The following TFCP2 variants were observed in gnomAD, a reference collection of about 807,000 sequenced individuals.
TFCP2 encodes alpha-globin transcription factor CP2.
A neutral mutation model predicts 73.4 loss-of-function variants in TFCP2; 33 were observed. That is an observed-to-expected ratio of 0.45 (90% CI 0.34 to 0.60). TFCP2 has a LOEUF of 0.60. Ranked by LOEUF, TFCP2 falls within the 20% of genes least tolerant of loss-of-function variation. The pLI is 0.01. For missense variants in TFCP2, 352 were observed against 604.0 expected (o/e 0.58, Z 4.37); for synonymous variants, 193 against 211.6 (o/e 0.91, Z 0.76).
intron 1 of TFCP2, among the ~76,000 whole-genome samples, chr12:51,150,473 A>C (rs1941398616): frequency 6.6e-6 from 1 of 152,214 alleles, no homozygotes; most frequent in Non-Finnish European, 1.5e-5. Flanking sequence ...AATTCTTTTT[A>C]ATTTTAAAAT....
chr12:51,109,030 A>G (rs1251021835), intron 6 of TFCP2, 91 bp downstream of exon 6: 11 of 1,453,982 alleles, frequency 7.6e-6, no homozygotes, highest in Non-Finnish European at 7.5e-6. Flanking sequence ...TTTTCAAAAA[A>G]AGACAAGTTG....
chr12:51,172,223 T>G, intron 1 of TFCP2, 78 bp downstream of exon 1: 1 of 1,577,122 alleles, frequency 6.3e-7, no homozygotes, highest in Non-Finnish European at 8.6e-7. Flanking sequence ...TACACCTCCT[T>G]CCCACTCAAC....
chr12:51,102,073 G>GCC, intron 10 of TFCP2, 48 bp from the exon 11 acceptor site: 2 of 1,279,508 alleles, frequency 1.6e-6, no homozygotes, highest in Non-Finnish European at 2.3e-6. Context: ...GATTCTCTTT[G>GCC]TTAATGACTA....
intron 1 of TFCP2, 112 bp from the exon 2 acceptor site, chr12:51,118,884 G>C: frequency 8.0e-7 from 1 of 1,248,982 alleles, no homozygotes; most frequent in Non-Finnish European, 1.1e-6. Context: ...TACTCACCTT[G>C]GTGGAGTTTC....
chr12:51,141,687 G>A (rs34481246), intron 1 of TFCP2, among the ~76,000 whole-genome samples: 24,388 of 151,176 alleles, frequency 0.16, 2,303 homozygotes, highest in South Asian at 0.26. Flanking sequence ...ATCACTTGAG[G>A]CCAGGAGCTA....
chr12:51,105,484 C>T lies in TFCP2; in HGVS notation c.917+1041G>A, dbSNP rs959918088. ...AAAAGTTTAACTAGTATGAAGTACA[C>T]GACAAAGAGAAGAGAAAAATTTTTA... On this transcript the variant is annotated intron_variant, in intron 8 of 14. Transcript: ENST00000257915. Among the ~76,000 whole-genome samples, 3 of 152,182 alleles carry T rather than the reference C, an allele frequency of 2.0e-5. 1 individual carries two copies. Among genetic ancestry groups the T allele is most frequent in the Non-Finnish European group, 1.5e-5 (1 of 68,008 alleles).
intron 1 of TFCP2, among the ~76,000 whole-genome samples, chr12:51,145,705 T>C (rs1294001924): frequency 6.6e-6 from 1 of 151,500 alleles, no homozygotes; most frequent in Admixed American, 6.6e-5. Context: ...CCCAACACTT[T>C]GAGGTAGGTC....
intron 1 of TFCP2, among the ~76,000 whole-genome samples, chr12:51,170,944 C>T (rs1941848816): frequency 6.6e-6 from 1 of 152,148 alleles, no homozygotes; most frequent in Admixed American, 6.5e-5. Context: ...TACCAAAGTG[C>T]TGGGATTACA....
At chr12:51,136,334 G>C (rs1040959446) in intron 1 of TFCP2, among the ~76,000 whole-genome samples, 2 of 151,294 alleles carry the variant, frequency 1.3e-5, no homozygotes, top group East Asian at 3.9e-4. Context: ...GAAAAAGAAG[G>C]TTCCCTGACG....
chr12:51,145,393 A>AATAC (rs1941274797), intron 1 of TFCP2, among the ~76,000 whole-genome samples: 1 of 144,162 alleles, frequency 6.9e-6, no homozygotes, highest in Non-Finnish European at 1.5e-5. Flanking sequence ...GAAAAAAAAA[A>AATAC]AAATACAAAT....
At chr12:51,096,343 C>A (rs1051388159) in intron 13 of TFCP2, among the ~76,000 whole-genome samples, 17 of 152,216 alleles carry the variant, frequency 1.1e-4, no homozygotes, top group African/African-American at 4.1e-4. Flanking sequence ...TACAGGAGAA[C>A]TGACTTCCGT....
At chr12:51,128,498 A>AAAAAAAAC (rs1555253519) in intron 1 of TFCP2, among the ~76,000 whole-genome samples, 91 of 149,026 alleles carry the variant, frequency 6.1e-4, no homozygotes, top group East Asian at 1.4e-3. Context: ...AAAAACAAAA[A>AAAAAAAAC]AAACAAACTA....
rs1363752040 is a variant in TFCP2, at chr12:51,110,858, C to T, written c.564+19G>A. On this transcript the variant is annotated intron_variant, in intron 5 of 14. Coordinates refer to ENST00000257915, the MANE Select transcript of TFCP2 (RefSeq NM_005653.5). ...GAGAGATACTCTTCAAAACTGGAAC[C>T]CTATCTGCAACGCCTTACCTGAATA... 6.5e-7 allele frequency: 1 copy of T among 1,536,120 alleles called. No individual in the cohort carries two copies. Among genetic ancestry groups the T allele is most frequent in the Admixed American group, 1.7e-5 (1 of 59,492 alleles).
At chr12:51,110,745 A>G (rs140299396) in intron 5 of TFCP2, 132 bp downstream of exon 5, 32 of 642,226 alleles carry the variant, frequency 5.0e-5, no homozygotes, top group Non-Finnish European at 6.5e-5. Flanking sequence ...GCACAGGTTA[A>G]AGAGCCTGGG....
chr12:51,109,985 C>T (rs1052630719), intron 5 of TFCP2, among the ~76,000 whole-genome samples: 16 of 152,084 alleles, frequency 1.1e-4, no homozygotes, highest in Non-Finnish European at 7.3e-5. Context: ...TCCCAAAGTG[C>T]TGGGATTACA....
intron 4 of TFCP2, 71 bp from the exon 5 acceptor site, chr12:51,111,054 C>A: frequency 1.9e-6 from 2 of 1,035,644 alleles, no homozygotes; most frequent in Non-Finnish European, 1.5e-6. Context: ...AGCATTGATT[C>A]TTATATTACT....
intron 1 of TFCP2, among the ~76,000 whole-genome samples, chr12:51,140,389 CTCTG>C (rs979312435): frequency 5.3e-5 from 8 of 150,290 alleles, no homozygotes; most frequent in East Asian, 2.0e-4. Context: ...TATAGTGAGA[CTCTG>C]TCTTTCTTCC....
chr12:51,156,372 C>A (rs1286986499), intron 1 of TFCP2, among the ~76,000 whole-genome samples: 1 of 151,788 alleles, frequency 6.6e-6, no homozygotes, highest in Non-Finnish European at 1.5e-5. Flanking sequence ...ACTTAAACAA[C>A]CAGCTCTTGA....
chr12:51,131,965 T>C (rs537506792), intron 1 of TFCP2, among the ~76,000 whole-genome samples: 7 of 152,314 alleles, frequency 4.6e-5, no homozygotes, highest in Middle Eastern at 3.4e-3. Flanking sequence ...TGTACTCACT[T>C]CTCCCTAACC....
Sources: gnomAD v4.1 joint callset for allele counts (sites outside exome capture counted in the v4.1 genomes callset) on GRCh38, gnomAD v4.1.1 for gene constraint, MANE v1.5 for transcripts, NCBI Gene and HGNC (gene_info 2026-07-23, HGNC 2026-07-21) for gene names.